The following RTF1 variants were observed in gnomAD, a reference collection of about 807,000 sequenced individuals.
RTF1 encodes the protein RNA polymerase-associated protein RTF1 homolog.
In RTF1, 10 loss-of-function variants were observed where a neutral mutation model predicts 95.7. The observed-to-expected ratio is 0.10, with a 90% CI of 0.06 to 0.18. RTF1 has a LOEUF of 0.18. Among genes scored for constraint, RTF1 ranks in the 10% least tolerant of loss-of-function variants. The probability of loss-of-function intolerance (pLI) is 1.00; values close to 1 mark genes in which losing one functional copy is unlikely to be tolerated. For missense variants in RTF1, 458 were observed against 875.6 expected, an observed-to-expected ratio of 0.52 and a Z score of 6.02; for synonymous variants, 305 against 311.8, an observed-to-expected ratio of 0.98 and a Z score of 0.23.
chr15:41,451,009 C>G (rs1358668567), intron 2 of RTF1, among the ~76,000 whole-genome samples: 1 of 152,044 alleles, frequency 6.6e-6, no homozygotes, highest in African/African-American at 2.4e-5. Flanking sequence ...TGAAGGTAAA[C>G]TAGCTGACTG....
At chr15:41,425,555 G>A (rs2050624697) in intron 1 of RTF1, among the ~76,000 whole-genome samples, 1 of 152,178 alleles carries the variant, frequency 6.6e-6, no homozygotes, top group Non-Finnish European at 1.5e-5. Flanking sequence ...TGAAGTGGCA[G>A]AGAGAGGAGT....
intron 5 of RTF1, 127 bp from the exon 6 acceptor site, chr15:41,466,014 C>T (rs770810657): frequency 3.4e-5 from 19 of 555,284 alleles, no homozygotes; most frequent in Non-Finnish European, 5.3e-5. Flanking sequence ...TCTCCCCTTA[C>T]ATAAAAGCTC....
chr15:41,461,944 G>C (rs1366548918), intron 4 of RTF1, among the ~76,000 whole-genome samples: 1 of 150,074 alleles, frequency 6.7e-6, no homozygotes, highest in Non-Finnish European at 1.5e-5. Flanking sequence ...TTTAGAGAGG[G>C]GGGGTTTGCC....
Position 41,477,597 on chromosome 15 carries a change from T to C in RTF1, c.1740+82T>C. 2.3e-6 allele frequency: 3 copies of C among 1,310,190 alleles called. No homozygotes were observed. In the South Asian group the frequency reaches 3.6e-5, roughly 16 times the overall value. The allele number at this position is 1,310,190 out of a possible 1,614,324, so 81.2% of individuals were successfully genotyped here. ...TTTTCTACATCTTGCCTAAGTTTAT[T>C]TTTTAATTATTGAAATAACGTAGGC... On this transcript the variant is annotated intron_variant, in intron 14 of 17. Transcript: ENST00000389629.
chr15:41,470,901 G>A (rs945019911), intron 7 of RTF1, among the ~76,000 whole-genome samples: 1 of 151,812 alleles, frequency 6.6e-6, no homozygotes, highest in Admixed American at 6.6e-5. Flanking sequence ...CTCGTGATCC[G>A]CCCGCCTCGG....
intron 4 of RTF1, among the ~76,000 whole-genome samples, chr15:41,459,178 C>G (rs2050834219): frequency 6.6e-6 from 1 of 152,134 alleles, no homozygotes; most frequent in Non-Finnish European, 1.5e-5. Flanking sequence ...TCCAGGAATT[C>G]AAGACCAGTC....
intron 1 of RTF1, among the ~76,000 whole-genome samples, chr15:41,422,012 CTTAT>C (rs764214235): frequency 2.6e-5 from 4 of 151,824 alleles, no homozygotes; most frequent in Admixed American, 6.6e-5. Flanking sequence ...CACACCAGGC[CTTAT>C]TTATTTATTT....
At chr15:41,435,017 G>A (rs1383906139) in intron 1 of RTF1, among the ~76,000 whole-genome samples, 1 of 150,318 alleles carries the variant, frequency 6.7e-6, no homozygotes, top group East Asian at 2.0e-4. Context: ...CTGGAGTGCA[G>A]TGGCGTGATC....
At chr15:41,436,078 G>A (rs28456082) in intron 1 of RTF1, among the ~76,000 whole-genome samples, 32,777 of 151,700 alleles carry the variant, frequency 0.22, 3,883 homozygotes, top group Non-Finnish European at 0.26. Context: ...AGGCCAAGGC[G>A]AGTGAATCAC....
At chr15:41,457,981 G>A (rs2050827872) in intron 4 of RTF1, 105 bp downstream of exon 4, 6 of 825,880 alleles carry the variant, frequency 7.3e-6, no homozygotes, top group Non-Finnish European at 1.2e-5. Context: ...ATGGAGACTG[G>A]CATTTGGAAT....
chr15:41,448,545 C>T (rs567225933), intron 2 of RTF1, among the ~76,000 whole-genome samples: 48 of 151,906 alleles, frequency 3.2e-4, no homozygotes, highest in Non-Finnish European at 6.0e-4. Flanking sequence ...CTCTACTAAC[C>T]CTGTCTCTAC....
intron 2 of RTF1, among the ~76,000 whole-genome samples, chr15:41,448,027 G>A (rs1287285182): frequency 6.6e-6 from 1 of 152,064 alleles, no homozygotes; most frequent in South Asian, 2.1e-4. Context: ...CTCAGAATCA[G>A]GTGAATAAGA....
At chr15:41,443,652 C>A (rs2050746470) in intron 2 of RTF1, among the ~76,000 whole-genome samples, 1 of 150,552 alleles carries the variant, frequency 6.6e-6, no homozygotes, top group African/African-American at 2.4e-5. Flanking sequence ...TATAGTCCAG[C>A]AATTTGGGAG....
intron 14 of RTF1, 89 bp from the exon 15 acceptor site, chr15:41,478,459 C>G: frequency 1.1e-6 from 1 of 924,128 alleles, no homozygotes; most frequent in Non-Finnish European, 1.7e-6. Context: ...TTTTTCAGTC[C>G]CGTGCAAAGA....
intron 6 of RTF1, among the ~76,000 whole-genome samples, chr15:41,467,336 G>A (rs914361840): frequency 6.6e-6 from 1 of 152,170 alleles, no homozygotes; most frequent in Non-Finnish European, 1.5e-5. Context: ...ACTTGGAATT[G>A]GCATAGTGTC....
Position 41,481,911 on chromosome 15 carries a change from C to G in RTF1, c.*1224C>G, listed in dbSNP as rs1053271512. On this transcript the variant is annotated 3_prime_UTR_variant, in exon 18 of 18. Coordinates refer to ENST00000389629, the MANE Select transcript of RTF1 (RefSeq NM_015138.5). ...TCTGACTAACACGGTGAAACCCCATCTCTACTAAAACTACAAAACTTAGCC... is the reference window on the plus strand; with the variant it reads ...TCTGACTAACACGGTGAAACCCCATGTCTACTAAAACTACAAAACTTAGCC... 1 of 152,238 alleles carries G rather than the reference C, an allele frequency of 6.6e-6. No homozygotes were observed. The highest frequency in any genetic ancestry group is 2.4e-5 in the African/African-American group (1 of 41,440). 9.4% of individuals were successfully genotyped at this position (152,238 alleles called of 1,614,324 possible). A position where few individuals can be genotyped will look rare whatever the true frequency, so the allele number is the denominator to read the frequency against.
At chr15:41,426,599 C>T (rs1190251757) in intron 1 of RTF1, among the ~76,000 whole-genome samples, 2 of 142,368 alleles carry the variant, frequency 1.4e-5, no homozygotes, top group Non-Finnish European at 3.0e-5. Flanking sequence ...GCCACTGTGC[C>T]TGGCCATTTT....
At chr15:41,446,126 T>C (rs561155285) in intron 2 of RTF1, among the ~76,000 whole-genome samples, 3 of 152,160 alleles carry the variant, frequency 2.0e-5, no homozygotes, top group African/African-American at 4.8e-5. Context: ...GTGGCCATTG[T>C]CAGTATCTAG....
At chr15:41,452,086 C>G (rs1272369733) in intron 2 of RTF1, among the ~76,000 whole-genome samples, 1 of 152,056 alleles carries the variant, frequency 6.6e-6, no homozygotes, top group African/African-American at 2.4e-5. Flanking sequence ...CAACTTTTCT[C>G]TTGTTTCTAA....
Sources: allele counts gnomAD v4.1 joint callset (sites outside exome capture counted in the v4.1 genomes callset), GRCh38; gene constraint gnomAD v4.1.1; transcripts MANE v1.5; gene names NCBI Gene and HGNC (gene_info 2026-07-23, HGNC 2026-07-21).